Variants in GRM7 observed in about 807,000 individuals in gnomAD.
GRM7 encodes metabotropic glutamate receptor 7.
Under a neutral mutation model 84.5 loss-of-function variants are expected in GRM7, and 35 were observed. The ratio of observed to expected loss-of-function variants is 0.41; its 90% CI spans 0.32 to 0.55. The LOEUF is 0.55. Ranked by LOEUF, GRM7 falls within the 20% of genes least tolerant of loss-of-function variation. GRM7 has a pLI of 0.19. For missense variants in GRM7, 1,003 were observed against 1,194.6 expected, an observed-to-expected ratio of 0.84 and a Z score of 2.36; for synonymous variants, 487 against 455.1, an observed-to-expected ratio of 1.07 and a Z score of -0.89.
intron 9 of GRM7, among the ~76,000 whole-genome samples, chr3:7,719,511 A>C (rs1701869478): frequency 6.6e-6 from 1 of 152,130 alleles, no homozygotes; most frequent in South Asian, 2.1e-4. Context: ...CATCAATTTC[A>C]TGTTGAAATG....
At chr3:7,194,886 T>C (rs1175412736) in intron 2 of GRM7, among the ~76,000 whole-genome samples, 1 of 152,110 alleles carries the variant, frequency 6.6e-6, no homozygotes, top group African/African-American at 2.4e-5. Context: ...CTTTACGAAA[T>C]TGTCTTGCTC....
intron 9 of GRM7, among the ~76,000 whole-genome samples, chr3:7,724,906 G>A (rs1168952936): frequency 6.6e-6 from 1 of 152,014 alleles, no homozygotes; most frequent in African/African-American, 2.4e-5. Context: ...TGGGACCACA[G>A]GCGCTTGACA....
intron 8 of GRM7, among the ~76,000 whole-genome samples, chr3:7,628,813 T>C (rs2125094473): frequency 6.6e-6 from 1 of 152,270 alleles, no homozygotes; most frequent in South Asian, 2.1e-4. Context: ...ATATTGGTAT[T>C]TGAACATAAG....
chr3:6,898,204 T>C (rs1696256955), intron 1 of GRM7, among the ~76,000 whole-genome samples: 1 of 152,182 alleles, frequency 6.6e-6, no homozygotes, highest in African/African-American at 2.4e-5. Flanking sequence ...TCTCATGTGA[T>C]GGCCATTACA....
intron 4 of GRM7, among the ~76,000 whole-genome samples, chr3:7,337,528 A>C (rs919931800): frequency 6.6e-6 from 1 of 152,092 alleles, no homozygotes; most frequent in Non-Finnish European, 1.5e-5. Flanking sequence ...ACAAAGGACT[A>C]ATATCCAAAA....
At chr3:7,354,315 A>T (rs1272382212) in intron 4 of GRM7, among the ~76,000 whole-genome samples, 2 of 151,104 alleles carry the variant, frequency 1.3e-5, no homozygotes, top group African/African-American at 4.9e-5. Flanking sequence ...TGTAGAGCTT[A>T]TGGGGTTCAG....
chr3:7,091,207 G>T (rs953837336), intron 1 of GRM7, among the ~76,000 whole-genome samples: 4 of 126,088 alleles, frequency 3.2e-5, no homozygotes, highest in African/African-American at 1.5e-4. Context: ...TGGCAGTGAA[G>T]TACCAAAAAA....
At chr3:7,159,501 A>T (rs1694556706) in intron 2 of GRM7, among the ~76,000 whole-genome samples, 1 of 152,158 alleles carries the variant, frequency 6.6e-6, no homozygotes, top group Non-Finnish European at 1.5e-5. Context: ...AGAGATTGCT[A>T]GCAGGAGGTG....
chr3:6,869,776 T>G (rs1435046083), intron 1 of GRM7, among the ~76,000 whole-genome samples: 1 of 152,192 alleles, frequency 6.6e-6, no homozygotes, highest in Non-Finnish European at 1.5e-5. Flanking sequence ...TCCATGGACT[T>G]AAGATAACAG....
At chr3:7,550,569 C>CTGTG (rs1455307434) in intron 7 of GRM7, among the ~76,000 whole-genome samples, 15 of 96,760 alleles carry the variant, frequency 1.6e-4, no homozygotes, top group Non-Finnish European at 2.6e-4. Flanking sequence ...CTCTCTCTCT[C>CTGTG]TCTCTCTCTG....
At chr3:7,592,326 C>T (rs1426365213) in intron 8 of GRM7, among the ~76,000 whole-genome samples, 1 of 151,704 alleles carries the variant, frequency 6.6e-6, no homozygotes, top group Non-Finnish European at 1.5e-5. Flanking sequence ...GGAATAGGGG[C>T]TCAGAGCAGG....
intron 2 of GRM7, among the ~76,000 whole-genome samples, chr3:7,193,525 G>A (rs1206484201): frequency 6.6e-6 from 1 of 152,006 alleles, no homozygotes; most frequent in African/African-American, 2.4e-5. Context: ...CATTGTGCAA[G>A]TTCAAAACAA....
intron 1 of GRM7, among the ~76,000 whole-genome samples, chr3:6,937,809 C>G (rs1271272635): frequency 2.0e-5 from 3 of 152,186 alleles, no homozygotes; most frequent in Non-Finnish European, 2.9e-5. Context: ...ATCATAAAAA[C>G]AGGCACGTGG....
At chr3:7,247,618 A>G (rs535856001) in intron 2 of GRM7, among the ~76,000 whole-genome samples, 5,949 of 149,792 alleles carry the variant, frequency 0.04, 285 homozygotes, top group African/African-American at 0.11. Context: ...AAAAAAAAAA[A>G]AAGAAGAAGA....
At chr3:7,550,577 C>G (rs2648462) in intron 7 of GRM7, among the ~76,000 whole-genome samples, 11,229 of 52,348 alleles carry the variant, frequency 0.21, 1,570 homozygotes, top group African/African-American at 0.45. Context: ...CTCTCTCTCT[C>G]TGTGTGTGTG....
chr3:7,233,644 C>A (rs1352915256), intron 2 of GRM7, among the ~76,000 whole-genome samples: 1 of 152,080 alleles, frequency 6.6e-6, no homozygotes, highest in Non-Finnish European at 1.5e-5. Context: ...TTATTCAATA[C>A]CTGCTCTGTG....
chr3:7,082,522 T>C (rs1288810237), intron 1 of GRM7, among the ~76,000 whole-genome samples: 1 of 152,160 alleles, frequency 6.6e-6, no homozygotes, highest in African/African-American at 2.4e-5. Flanking sequence ...CAACATCCAT[T>C]GTGCAGCCTA....
chr3:6,952,004 A>G (rs555833281), intron 1 of GRM7, among the ~76,000 whole-genome samples: 17 of 151,954 alleles, frequency 1.1e-4, no homozygotes, highest in Admixed American at 1.1e-3. Context: ...ATTTAATGTA[A>G]CCACTTACCT....
intron 1 of GRM7, among the ~76,000 whole-genome samples, chr3:6,970,690 AAG>A (rs1693715788): frequency 6.6e-6 from 1 of 152,074 alleles, no homozygotes; most frequent in Non-Finnish European, 1.5e-5. Context: ...CAAAAAAACC[AAG>A]AGAGAGGCCA....
Sources: gnomAD v4.1 joint callset for allele counts (sites outside exome capture counted in the v4.1 genomes callset) on GRCh38, gnomAD v4.1.1 for gene constraint, MANE v1.5 for transcripts, NCBI Gene and HGNC (gene_info 2026-07-23, HGNC 2026-07-21) for gene names.